The following ASTN2 variants were observed in gnomAD, a reference collection of about 807,000 sequenced individuals.
The protein encoded by ASTN2 is astrotactin 2, also known as astrotactin-2.
A neutral mutation model predicts 139.8 loss-of-function variants in ASTN2; 54 were observed. The observed-to-expected ratio is 0.39, with a 90% CI of 0.31 to 0.48. The LOEUF (loss-of-function observed/expected upper bound fraction) is 0.48, where lower values mean the gene tolerates loss of function less well. ASTN2 is among the 20% of genes least tolerant of loss of function. The pLI is 0.95. For synonymous variants in ASTN2, 756 were observed against 719.5 expected (o/e 1.05, Z -0.81); for missense variants, 1,565 against 1,725.1 (o/e 0.91, Z 1.64).
At chr9:117,228,118 G>A (rs939128585) in intron 2 of ASTN2, among the ~76,000 whole-genome samples, 1 of 151,992 alleles carries the variant, frequency 6.6e-6, no homozygotes, top group Non-Finnish European at 1.5e-5. Flanking sequence ...ACAATAACAG[G>A]TGCCTTTTCC....
At chr9:116,780,545 GT>G (rs1448855272) in intron 13 of ASTN2, among the ~76,000 whole-genome samples, 1 of 152,176 alleles carries the variant, frequency 6.6e-6, no homozygotes, top group African/African-American at 2.4e-5. Context: ...AGTGAAGACA[GT>G]AAGTTTCTAT....
At chr9:116,935,094 G>A (rs778682655) in intron 10 of ASTN2, among the ~76,000 whole-genome samples, 1 of 152,130 alleles carries the variant, frequency 6.6e-6, no homozygotes, top group African/African-American at 2.4e-5. Context: ...AATTACAAAG[G>A]GTGCCAATTA....
chr9:116,617,769 G>T (rs1021378585), intron 19 of ASTN2, among the ~76,000 whole-genome samples: 1 of 152,210 alleles, frequency 6.6e-6, no homozygotes, highest in Non-Finnish European at 1.5e-5. Flanking sequence ...ACAGGTGAAC[G>T]CTTTGCTTCT....
chr9:117,045,584 G>T (rs888384054), intron 5 of ASTN2, among the ~76,000 whole-genome samples: 16 of 152,122 alleles, frequency 1.1e-4, no homozygotes, highest in African/African-American at 3.6e-4. Flanking sequence ...ATAACTCAGT[G>T]TTGTTGATCC....
At chr9:116,898,721 G>A (rs1436311787) in intron 10 of ASTN2, among the ~76,000 whole-genome samples, 1 of 152,130 alleles carries the variant, frequency 6.6e-6, no homozygotes, top group Non-Finnish European at 1.5e-5. Context: ...ACAGGTTGGA[G>A]TGCAGTGGCA....
chr9:117,311,222 G>A (rs962758608), intron 1 of ASTN2, among the ~76,000 whole-genome samples: 1 of 82,230 alleles, frequency 1.2e-5, no homozygotes, highest in Admixed American at 1.6e-4. Context: ...TAAATGGTAG[G>A]CTTACAGAAA....
intron 17 of ASTN2, among the ~76,000 whole-genome samples, chr9:116,640,746 G>T (rs572303887): frequency 4.6e-5 from 7 of 152,338 alleles, no homozygotes; most frequent in African/African-American, 1.7e-4. Context: ...TCGATAAATG[G>T]TTTTAATCAC....
chr9:117,050,496 C>G (rs1396692460), intron 5 of ASTN2, among the ~76,000 whole-genome samples: 1 of 152,108 alleles, frequency 6.6e-6, no homozygotes, highest in Non-Finnish European at 1.5e-5. Context: ...TGACAATGTT[C>G]CTTTACCTAC....
intron 20 of ASTN2, among the ~76,000 whole-genome samples, chr9:116,470,518 G>C (rs1453900296): frequency 6.6e-6 from 1 of 152,132 alleles, no homozygotes. Flanking sequence ...CTGCAAAATA[G>C]TGATAATAAA....
intron 19 of ASTN2, among the ~76,000 whole-genome samples, chr9:116,590,234 C>A (rs1187085670): frequency 6.6e-6 from 1 of 152,218 alleles, no homozygotes; most frequent in Non-Finnish European, 1.5e-5. Flanking sequence ...TTCCTGCAGT[C>A]TCAGGGACCT....
At chr9:116,774,861 G>A (rs1438368296) in intron 13 of ASTN2, among the ~76,000 whole-genome samples, 1 of 151,466 alleles carries the variant, frequency 6.6e-6, no homozygotes, top group African/African-American at 2.4e-5. Context: ...CCTCTACCCA[G>A]CCTCCAGCAA....
rs114356427 is a variant in ASTN2 at position 117,204,085 on chromosome 9, C to A, written c.1015+10273G>T. On this transcript the variant is annotated intron_variant, in intron 3 of 22. Transcript: ENST00000313400. ...TTGGAGATCCTACAGGGAAGCCCCA[C>A]CCACTGAGGAAGGATGGGTCAGGGT... Among the ~76,000 whole-genome samples the A allele has an allele frequency of 9.2e-3, 1,395 of 152,288 alleles. 23 individuals are homozygous for A. The highest frequency in any genetic ancestry group is 0.032 in the African/African-American group (1,341 of 41,558).
intron 3 of ASTN2, among the ~76,000 whole-genome samples, chr9:117,167,191 T>A (rs1311075287): frequency 6.6e-6 from 1 of 152,132 alleles, no homozygotes; most frequent in Non-Finnish European, 1.5e-5. Flanking sequence ...TATTGATTTG[T>A]CTATAATGCT....
chr9:117,243,370 G>T (rs1833272205), intron 2 of ASTN2, among the ~76,000 whole-genome samples: 1 of 152,208 alleles, frequency 6.6e-6, no homozygotes, highest in Non-Finnish European at 1.5e-5. Context: ...TAACCAACTT[G>T]CCTGAGGCCA....
intron 10 of ASTN2, among the ~76,000 whole-genome samples, chr9:116,880,469 G>C (rs1323310785): frequency 6.6e-6 from 1 of 152,106 alleles, no homozygotes; most frequent in Non-Finnish European, 1.5e-5. Flanking sequence ...TATGTGATGT[G>C]GTGAATTAAC....
intron 10 of ASTN2, among the ~76,000 whole-genome samples, chr9:116,911,945 A>T (rs1231981429): frequency 6.6e-6 from 1 of 150,794 alleles, no homozygotes; most frequent in Non-Finnish European, 1.5e-5. Flanking sequence ...TATCTCTGTA[A>T]TTTTTCTATA....
At chr9:116,440,304 A>C (rs1363756426) in intron 22 of ASTN2, among the ~76,000 whole-genome samples, 3 of 152,192 alleles carry the variant, frequency 2.0e-5, no homozygotes, top group Admixed American at 6.5e-5. Context: ...GTTAGGATAC[A>C]GGCCTTCAAA....
chr9:117,411,285 A>T (rs1182136905), intron 1 of ASTN2, among the ~76,000 whole-genome samples: 1 of 152,146 alleles, frequency 6.6e-6, no homozygotes, highest in East Asian at 1.9e-4. Context: ...ACTTTCAGGG[A>T]GATTCACTTT....
chr9:117,050,914 T>C (rs1838896067), intron 5 of ASTN2, among the ~76,000 whole-genome samples: 1 of 152,182 alleles, frequency 6.6e-6, no homozygotes, highest in African/African-American at 2.4e-5. Context: ...ACAGGTCATA[T>C]GCATTCCCCT....
Sources: allele counts gnomAD v4.1 joint callset (sites outside exome capture counted in the v4.1 genomes callset), GRCh38; gene constraint gnomAD v4.1.1; transcripts MANE v1.5; gene names NCBI Gene and HGNC (gene_info 2026-07-23, HGNC 2026-07-21).